The following CCDC50 variants were observed in gnomAD, a reference collection of about 807,000 sequenced individuals.
The protein encoded by CCDC50 is coiled-coil domain-containing protein 50.
In CCDC50, 54 loss-of-function variants were observed where a neutral mutation model predicts 70.2. The ratio of observed to expected loss-of-function variants is 0.77; its 90% CI spans 0.62 to 0.96. The LOEUF is 0.96. Ranked by LOEUF, CCDC50 falls within the 50% of genes least tolerant of loss-of-function variation. CCDC50 has a pLI of 0.00. For synonymous variants in CCDC50, 216 were observed against 198.8 expected, an observed-to-expected ratio of 1.09 and a Z score of -0.73; for missense variants, 558 against 578.7, an observed-to-expected ratio of 0.96 and a Z score of 0.37.
intron 1 of CCDC50, among the ~76,000 whole-genome samples, chr3:191,350,117 T>G (rs1712058994): frequency 7.1e-6 from 1 of 140,426 alleles, no homozygotes; most frequent in Non-Finnish European, 1.6e-5. Flanking sequence ...TCCTCATAAG[T>G]AAAATGGGGA....
At chr3:191,369,471 G>C (rs563758083) in intron 4 of CCDC50, among the ~76,000 whole-genome samples, 1 of 151,926 alleles carries the variant, frequency 6.6e-6, no homozygotes, top group Non-Finnish European at 1.5e-5. Context: ...TCTCTTTTTT[G>C]GTTAAGACAG....
chr3:191,336,204 G>C (rs1298338441), intron 1 of CCDC50, among the ~76,000 whole-genome samples: 1 of 151,396 alleles, frequency 6.6e-6, no homozygotes, highest in Non-Finnish European at 1.5e-5. Flanking sequence ...GACTTTCTGG[G>C]TTATACGGTG....
At chr3:191,368,445 A>G (rs1228097818) in intron 4 of CCDC50, among the ~76,000 whole-genome samples, 1 of 152,008 alleles carries the variant, frequency 6.6e-6, no homozygotes, top group African/African-American at 2.4e-5. Context: ...TTAAGTTTGT[A>G]TTTGGCATAA....
At chr3:191,357,282 T>G in intron 2 of CCDC50, 132 bp downstream of exon 2, 1 of 749,500 alleles carries the variant, frequency 1.3e-6, no homozygotes, top group Non-Finnish European at 2.4e-6. Flanking sequence ...CTGAAGGATT[T>G]CTTTAGGCAA....
At chr3:191,376,174 C>T (rs1713107185) in intron 6 of CCDC50, among the ~76,000 whole-genome samples, 1 of 152,160 alleles carries the variant, frequency 6.6e-6, no homozygotes, top group Non-Finnish European at 1.5e-5. Flanking sequence ...CATGTATTAT[C>T]ATCTCTGGAG....
At chr3:191,383,773 G>C (rs1324097232) in intron 10 of CCDC50, among the ~76,000 whole-genome samples, 1 of 152,138 alleles carries the variant, frequency 6.6e-6, no homozygotes, top group East Asian at 1.9e-4. Flanking sequence ...GCTCTGAGAA[G>C]AATAGTGGCA....
intron 6 of CCDC50, among the ~76,000 whole-genome samples, chr3:191,378,615 G>A (rs1307255415): frequency 5.9e-5 from 9 of 152,100 alleles, no homozygotes; most frequent in Admixed American, 5.9e-4. Flanking sequence ...CCAGTACTGA[G>A]TTCCTTATCT....
At chr3:191,335,952 A>G (rs2108630157) in intron 1 of CCDC50, among the ~76,000 whole-genome samples, 1 of 143,078 alleles carries the variant, frequency 7.0e-6, no homozygotes, top group Non-Finnish European at 1.5e-5. Context: ...CCAGCCACTG[A>G]TTTGTTTTCT....
In CCDC50 at chr3:191,375,250, A is replaced by T; in HGVS notation, c.637A>T (p.Arg213Trp). ...SLSSSSSGKG[R>W]DNPHINNEQH... ...GTCATCCTCTAGCTCGGGCAAAGGG[A>T]GGGACAATCCCCATATTAACAATGA... Residue 213 changes from arginine (R) to tryptophan (W), a missense_variant, in exon 6 of 12, where the codon AGG becomes TGG. Transcript: ENST00000392455. 6.2e-7 allele frequency: 1 copy of T among 1,613,818 alleles called. No homozygotes were observed.
intron 5 of CCDC50, among the ~76,000 whole-genome samples, chr3:191,370,714 C>T (rs961612356): frequency 6.6e-6 from 1 of 152,026 alleles, no homozygotes; most frequent in Non-Finnish European, 1.5e-5. Flanking sequence ...GTCTTGAACT[C>T]CTGACCTCAA....
chr3:191,389,206 T>C (rs957011956), intron 10 of CCDC50, among the ~76,000 whole-genome samples: 2 of 152,226 alleles, frequency 1.3e-5, no homozygotes, highest in African/African-American at 4.8e-5. Flanking sequence ...TTCTTATAAA[T>C]GGCAGCAGTC....
chr3:191,357,939 C>T (rs1712346716), intron 2 of CCDC50, 59 bp from the exon 3 acceptor site: 1 of 1,604,866 alleles, frequency 6.2e-7, no homozygotes, highest in Non-Finnish European at 8.5e-7. Flanking sequence ...ATTATTATGG[C>T]ATTTATTACT....
chr3:191,357,911 TATGG>T (rs1400185462), intron 2 of CCDC50, 83 bp from the exon 3 acceptor site: 7 of 1,542,382 alleles, frequency 4.5e-6, no homozygotes, highest in African/African-American at 1.4e-5. Context: ...AAGCTGTTGT[TATGG>T]TAAAGCTCTT....
chr3:191,343,794 T>C (rs550860274), intron 1 of CCDC50, among the ~76,000 whole-genome samples: 1 of 152,328 alleles, frequency 6.6e-6, no homozygotes, highest in East Asian at 1.9e-4. Context: ...CTTGGTAAAG[T>C]ATTAGAGATT....
At chr3:191,372,087 A>G (rs1712933469) in intron 5 of CCDC50, among the ~76,000 whole-genome samples, 1 of 152,310 alleles carries the variant, frequency 6.6e-6, no homozygotes, top group East Asian at 1.9e-4. Context: ...ATTGAGACTC[A>G]AACCTGTTTT....
chr3:191,391,361 C>T lies in CCDC50; in HGVS notation c.1430-380C>T, dbSNP rs1043142592. Among the ~76,000 whole-genome samples the T allele has an allele frequency of 2.0e-5, 3 of 152,088 alleles. No homozygotes were observed. In the East Asian group the frequency reaches 5.8e-4, roughly 29 times the overall value. On this transcript the variant is annotated intron_variant, in intron 11 of 11. Transcript: ENST00000392455. ...CCCACCCCCACATTCTGACTCACAT[C>T]CAATACTGAGAAAAAGACAAAAGGC...
In CCDC50 at chr3:191,353,204, G is replaced by A. The variant is rs935310414; in HGVS notation, c.50-3884G>A. Among the ~76,000 whole-genome samples, 23 of 142,374 alleles carry A rather than the reference G, an allele frequency of 1.6e-4. 5 individuals carry two copies. The highest frequency in any genetic ancestry group is 3.3e-4 in the Non-Finnish European group (21 of 63,128). The allele number at this position is 142,374 out of a possible 152,430, so 93.4% of individuals were successfully genotyped here. A position where few individuals can be genotyped will look rare whatever the true frequency, so the allele number is the denominator to read the frequency against. ...CCACCATCCCTAACACTGGGAAAAT[G>A]TCTGGGCAGAGGGGAGAGCCTACGG... On this transcript the variant is annotated intron_variant, in intron 1 of 11. Coordinates refer to ENST00000392455, the MANE Select transcript of CCDC50 (RefSeq NM_178335.3).
At position 191,337,798 on chromosome 3, in the gene CCDC50, C is replaced by T. The variant is rs547051969; in HGVS notation, c.49+8075C>T. Among the ~76,000 whole-genome samples, 102 of 152,028 alleles carry T rather than the reference C, an allele frequency of 6.7e-4. 3 individuals are homozygous for T. The South Asian group carries it at 0.02, about 30-fold the overall frequency. ...CTTTCAGAAGTTCATGAGTATCCAA[C>T]AGATTTAACCACCTTAAAATGTTTC... is the stretch of plus-strand genomic sequence containing the variant. On this transcript the variant is annotated intron_variant, in intron 1 of 11. Coordinates refer to ENST00000392455, the MANE Select transcript of CCDC50 (RefSeq NM_178335.3).
intron 1 of CCDC50, among the ~76,000 whole-genome samples, chr3:191,344,271 G>A (rs1711831675): frequency 6.6e-6 from 1 of 152,212 alleles, no homozygotes; most frequent in South Asian, 2.1e-4. Context: ...GTCACGTTGT[G>A]ATTATCGTCT....
Sources: gnomAD v4.1 joint callset for allele counts (sites outside exome capture counted in the v4.1 genomes callset) on GRCh38, gnomAD v4.1.1 for gene constraint, MANE v1.5 for transcripts, NCBI Gene and HGNC (gene_info 2026-07-23, HGNC 2026-07-21) for gene names.